Variants in MTOR observed in about 807,000 individuals in gnomAD.
MTOR encodes serine/threonine-protein kinase mTOR.
A neutral mutation model predicts 319.8 loss-of-function variants in MTOR; 70 were observed. That is an observed-to-expected ratio of 0.22 (90% confidence interval 0.18 to 0.27). The LOEUF (loss-of-function observed/expected upper bound fraction) is 0.27, where lower values mean the gene tolerates loss of function less well. Among genes scored for constraint, MTOR ranks in the 10% least tolerant of loss-of-function variants. The pLI is 1.00. For missense variants in MTOR, 1,890 were observed against 3,274.4 expected, an observed-to-expected ratio of 0.58 and a Z score of 10.32; for synonymous variants, 1,183 against 1,211.4, an observed-to-expected ratio of 0.98 and a Z score of 0.49.
At chr1:11,256,602 C>G (rs1650431640) in intron 4 of MTOR, among the ~76,000 whole-genome samples, 1 of 152,160 alleles carries the variant, frequency 6.6e-6, no homozygotes, top group South Asian at 2.1e-4. Flanking sequence ...TCAGAAGCTG[C>G]CCCAGGTTAC....
rs182666416 is a variant in MTOR, at chr1:11,160,174, C to T, written c.4330-2883G>A. Among the ~76,000 whole-genome samples, 282 of 151,946 alleles carry T rather than the reference C, an allele frequency of 1.9e-3. 3 individuals are homozygous for T. The highest frequency in any genetic ancestry group is 6.6e-3 in the African/African-American group (273 of 41,436). On this transcript the variant is annotated intron_variant, in intron 29 of 57. Transcript: ENST00000361445. ...GGAGTGCAATGGAACAATCTCAGCT[C>T]ACTGCAACCTCTGCCTCCCAGGTTC... is the stretch of plus-strand genomic sequence containing the variant.
At chr1:11,175,618 G>A (rs1449456367) in intron 28 of MTOR, among the ~76,000 whole-genome samples, 3 of 152,210 alleles carry the variant, frequency 2.0e-5, no homozygotes, top group Non-Finnish European at 4.4e-5. Flanking sequence ...GCTGAGCAGC[G>A]GGTGGTTCAG....
At chr1:11,241,829 G>C in intron 9 of MTOR, 148 bp from the exon 10 acceptor site, 2 of 769,000 alleles carry the variant, frequency 2.6e-6, no homozygotes, top group South Asian at 3.7e-5. Context: ...AGTTCAAAGG[G>C]ACCCATCACA....
Position 11,115,076 on chromosome 1 carries a change from G to A in MTOR, c.7090-189C>T, listed in dbSNP as rs985423971. Among the ~76,000 whole-genome samples the A allele has an allele frequency of 2.6e-5, 4 of 151,738 alleles. No homozygotes were observed. Among genetic ancestry groups the A allele is most frequent in the Non-Finnish European group, 2.9e-5 (2 of 67,966 alleles). Reference sequence around the variant, plus strand: ...AGACAACTTAAAAAAAAAAAGAAACGAACAACAGAAAAGAAGAGAAAACAA... The same window carrying A: ...AGACAACTTAAAAAAAAAAAGAAACAAACAACAGAAAAGAAGAGAAAACAA... On this transcript the variant is annotated intron_variant, in intron 51 of 57. Coordinates refer to ENST00000361445, the MANE Select transcript of MTOR (RefSeq NM_004958.4). The surrounding 1 kb of genome is among the most constrained non-coding windows in gnomAD (Gnocchi z 4.5).
At chr1:11,213,962 G>A (rs866637654) in intron 20 of MTOR, among the ~76,000 whole-genome samples, 1 of 152,236 alleles carries the variant, frequency 6.6e-6, no homozygotes, top group Admixed American at 6.5e-5. Flanking sequence ...AGCGATAGCA[G>A]TTGTAAGACT....
intron 12 of MTOR, 120 bp from the exon 13 acceptor site, chr1:11,238,168 A>C: frequency 4.0e-6 from 4 of 1,010,886 alleles, no homozygotes; most frequent in Non-Finnish European, 5.9e-6. Flanking sequence ...TTTCTCATCT[A>C]ACCTCTGTCA....
Position 11,257,014 on chromosome 1 carries a change from G to A in MTOR, c.423C>T (p.Thr141=), listed in dbSNP as rs137902498. Residue 141 remains threonine (T), a synonymous_variant, in exon 4 of 58, where the codon ACC becomes ACT. Transcript: ENST00000361445. The part of the protein sequence containing the change: ...GRLAMAGDTF[T]AEYVEFEVKR... ...TCACCTCAAATTCCACGTACTCAGC[G>A]GTAAAAGTGTCCCCTGCCATGGCAA... is the stretch of plus-strand genomic sequence containing the variant. 3.5e-4 allele frequency: 559 copies of A among 1,614,078 alleles called. 3 individuals carry two copies. In the African/African-American group the frequency reaches 6.3e-3, roughly 18 times the overall value.
chr1:11,220,125 C>A (rs1646615551), intron 19 of MTOR, among the ~76,000 whole-genome samples: 1 of 149,946 alleles, frequency 6.7e-6, no homozygotes, highest in African/African-American at 2.4e-5. Flanking sequence ...ATGAGAATTT[C>A]TCAGGAACTG....
At position 11,140,999 on chromosome 1, in the gene MTOR, A is replaced by G. The variant is rs78207063; in HGVS notation, c.4873-1341T>C. Among the ~76,000 whole-genome samples, 1,057 of 136,806 alleles carry G rather than the reference A, an allele frequency of 7.7e-3. 39 individuals carry two copies. The highest frequency in any genetic ancestry group is 0.07 in the Admixed American group (958 of 13,610). 89.8% of individuals were successfully genotyped at this position (136,806 alleles called of 152,430 possible). ...AAGACTTCTGAAAAAAAAAAAAAAA[A>G]GACTGTTGAGATGCCATGTATGTTG... On this transcript the variant is annotated intron_variant, in intron 34 of 57. Coordinates refer to ENST00000361445, the MANE Select transcript of MTOR (RefSeq NM_004958.4).
chr1:11,160,635 T>A lies in MTOR; in HGVS notation c.4330-3344A>T, dbSNP rs771479199. Among the ~76,000 whole-genome samples the A allele has an allele frequency of 1.3e-5, 2 of 152,192 alleles. 1 individual carries two copies. On this transcript the variant is annotated intron_variant, in intron 29 of 57. Coordinates refer to ENST00000361445, the MANE Select transcript of MTOR (RefSeq NM_004958.4). ...GACCACAGTCTCCTCATCTGTAAAA[T>A]GTGATAACAGCAGTAACCACTTCAT...
rs56412200 is a variant in MTOR, at chr1:11,109,732, A to G, written c.7367-3T>C. ...AAGTTCCACACCGTCCAAAATTTCT[A>G]TGGGAAAAGAAATCAATTAACAGAA... On this transcript the variant is annotated splice_polypyrimidine_tract_variant and splice_region_variant and intron_variant, in intron 54 of 57. Transcript: ENST00000361445. This position sits in a 1 kb window ranked among gnomAD's most constrained non-coding sequence, Gnocchi z 4.0. 8.9e-4 allele frequency: 1,429 copies of G among 1,613,736 alleles called. 5 individuals are homozygous for G. The highest frequency in any genetic ancestry group is 2.6e-3 in the South Asian group (239 of 91,070).
At chr1:11,254,043 A>T (rs1442709235) in intron 5 of MTOR, 70 bp from the exon 6 acceptor site, 7 of 1,596,808 alleles carry the variant, frequency 4.4e-6, no homozygotes. Context: ...GGCCCATCCC[A>T]TCTACACTGG....
At chr1:11,163,038 C>G (rs1275778044) in intron 29 of MTOR, among the ~76,000 whole-genome samples, 3 of 152,030 alleles carry the variant, frequency 2.0e-5, no homozygotes, top group African/African-American at 7.2e-5. Context: ...TTCAGGAGAC[C>G]CATCTCACGT....
At chr1:11,165,217 TA>T (rs2100600861) in intron 29 of MTOR, among the ~76,000 whole-genome samples, 1 of 152,226 alleles carries the variant, frequency 6.6e-6, no homozygotes, top group South Asian at 2.1e-4. Context: ...TCACCACTCC[TA>T]TTCAACAAAG....
intron 54 of MTOR, 42 bp downstream of exon 54, chr1:11,112,810 A>G: frequency 6.2e-7 from 1 of 1,607,640 alleles, no homozygotes; most frequent in South Asian, 1.1e-5. Flanking sequence ...AACACTCTGC[A>G]CAAGGGGGAG....
At chr1:11,240,688 A>C in intron 10 of MTOR, 141 bp from the exon 11 acceptor site, 1 of 1,125,256 alleles carries the variant, frequency 8.9e-7, no homozygotes, top group Non-Finnish European at 1.2e-6. Context: ...ATAAGAATAA[A>C]AGTGTAAACT....
At chr1:11,244,647 A>C (rs908927907) in intron 8 of MTOR, among the ~76,000 whole-genome samples, 4 of 152,206 alleles carry the variant, frequency 2.6e-5, no homozygotes. Flanking sequence ...ACAAACAAAC[A>C]AACAAAAAAA....
Position 11,256,834 on chromosome 1 carries a change from C to G in MTOR, c.504+99G>C, listed in dbSNP as rs1050278511. The G allele has an allele frequency of 3.4e-6, 4 of 1,187,212 alleles. No homozygotes were observed. The East Asian group carries it at 1.0e-4, about 30-fold the overall frequency. The allele number at this position is 1,187,212 out of a possible 1,614,324, so 73.5% of individuals were successfully genotyped here. ...AGCCTGGAATCCTAGCTCTTCTAAC[C>G]AGCTTTTTTAAGGAATGAGCCTCAG... On this transcript the variant is annotated intron_variant, in intron 4 of 57. Coordinates refer to ENST00000361445, the MANE Select transcript of MTOR (RefSeq NM_004958.4).
In MTOR at chr1:11,145,755, C is replaced by T. The variant is rs140019006; in HGVS notation, c.4687-710G>A. On this transcript the variant is annotated intron_variant, in intron 32 of 57. Coordinates refer to ENST00000361445, the MANE Select transcript of MTOR (RefSeq NM_004958.4). ...CTGGTCTCAAGTGATCCGTCTGCCT[C>T]GGCCTCCCAAAGTGCTGCGATTACA... Among the ~76,000 whole-genome samples, 1,235 of 152,224 alleles carry T rather than the reference C, an allele frequency of 8.1e-3. 20 individuals are homozygous for T. Among genetic ancestry groups the T allele is most frequent in the African/African-American group, 0.027 (1,123 of 41,536 alleles).
Sources: gnomAD v4.1 joint callset for allele counts (sites outside exome capture counted in the v4.1 genomes callset) on GRCh38, gnomAD v4.1.1 for gene constraint, Gnocchi (gnomAD v3.1) non-coding constraint, MANE v1.5 for transcripts, NCBI Gene and HGNC (gene_info 2026-07-23, HGNC 2026-07-21) for gene names.